The following HPSE2 variants were observed in gnomAD, a reference collection of about 807,000 sequenced individuals.
The protein encoded by HPSE2 is inactive heparanase-2.
A neutral mutation model predicts 60.5 loss-of-function variants in HPSE2; 38 were observed. That is an observed-to-expected ratio of 0.63 (90% CI 0.48 to 0.82). The LOEUF (loss-of-function observed/expected upper bound fraction) is 0.82, where lower values mean the gene tolerates loss of function less well. Among genes scored for constraint, HPSE2 ranks in the 40% least tolerant of loss-of-function variants. The pLI is 0.00. For synonymous variants in HPSE2, 295 were observed against 293.2 expected (o/e 1.01, Z -0.06); for missense variants, 713 against 740.4 (o/e 0.96, Z 0.43).
chr10:98,949,248 G>A (rs534465579), intron 3 of HPSE2, among the ~76,000 whole-genome samples: 49 of 72,718 alleles, frequency 6.7e-4, no homozygotes, highest in Non-Finnish European at 9.8e-4. Flanking sequence ...ACACGCATGC[G>A]TGCACACACA....
intron 2 of HPSE2, among the ~76,000 whole-genome samples, chr10:99,199,710 G>A (rs375163815): frequency 8.5e-5 from 13 of 152,170 alleles, no homozygotes; most frequent in Middle Eastern, 3.4e-3. Flanking sequence ...ACAAGGACAC[G>A]TAACGCCTCC....
At chr10:98,725,835 A>G (rs1949061173) in intron 4 of HPSE2, among the ~76,000 whole-genome samples, 1 of 152,244 alleles carries the variant, frequency 6.6e-6, no homozygotes, top group Non-Finnish European at 1.5e-5. Flanking sequence ...GGATATGAAC[A>G]GATACTTCTC....
chr10:98,806,470 G>A (rs1403405745), intron 3 of HPSE2, among the ~76,000 whole-genome samples: 4 of 152,110 alleles, frequency 2.6e-5, no homozygotes, highest in Non-Finnish European at 5.9e-5. Flanking sequence ...CAGCAAACTT[G>A]TATTTGAATC....
intron 2 of HPSE2, among the ~76,000 whole-genome samples, chr10:99,205,766 T>A (rs1446454492): frequency 2.0e-5 from 3 of 152,220 alleles, no homozygotes; most frequent in African/African-American, 7.2e-5. Flanking sequence ...CATACCATAC[T>A]ACTATATTAA....
At chr10:98,523,819 C>T (rs1162397890) in intron 9 of HPSE2, among the ~76,000 whole-genome samples, 2 of 152,198 alleles carry the variant, frequency 1.3e-5, no homozygotes, top group African/African-American at 4.8e-5. Context: ...ACTTCTGCCT[C>T]AGTAAAGTTT....
At chr10:98,645,146 C>T (rs1268934293) in intron 6 of HPSE2, among the ~76,000 whole-genome samples, 2 of 151,910 alleles carry the variant, frequency 1.3e-5, no homozygotes, top group East Asian at 1.9e-4. Context: ...AACACTGTTG[C>T]CAAAGAGATG....
chr10:98,909,688 T>G (rs1253871290), intron 3 of HPSE2, among the ~76,000 whole-genome samples: 1 of 151,938 alleles, frequency 6.6e-6, no homozygotes, highest in East Asian at 1.9e-4. Flanking sequence ...GCATGACTTT[T>G]AACTCAGTAA....
At chr10:98,570,775 C>T (rs1361536885) in intron 9 of HPSE2, among the ~76,000 whole-genome samples, 5 of 152,006 alleles carry the variant, frequency 3.3e-5, no homozygotes, top group Non-Finnish European at 7.4e-5. Flanking sequence ...GATAGGTCAA[C>T]TGCAGTCCCA....
chr10:99,096,073 A>AT (rs1843708460), intron 3 of HPSE2, among the ~76,000 whole-genome samples: 1 of 152,210 alleles, frequency 6.6e-6, no homozygotes. Flanking sequence ...TGTCTTTGAT[A>AT]TATCTTCTTC....
At chr10:99,197,790 G>A (rs1451468826) in intron 2 of HPSE2, among the ~76,000 whole-genome samples, 1 of 152,198 alleles carries the variant, frequency 6.6e-6, no homozygotes, top group Non-Finnish European at 1.5e-5. Context: ...GCCAGGCGCA[G>A]TGGCTCACAC....
the HPSE2 span, among the ~76,000 whole-genome samples, chr10:99,288,009 A>C: frequency 6.6e-6 from 1 of 152,218 alleles, no homozygotes; most frequent in Non-Finnish European, 1.5e-5. Flanking sequence ...GTCATGTCAT[A>C]TTTTGAATTT....
intron 3 of HPSE2, among the ~76,000 whole-genome samples, chr10:98,960,668 T>C (rs1955631054): frequency 6.7e-6 from 1 of 148,744 alleles, no homozygotes; most frequent in African/African-American, 2.5e-5. Flanking sequence ...CATGAGTTCA[T>C]CTTCTTTGAA....
At chr10:98,822,498 T>G (rs909760390) in intron 3 of HPSE2, among the ~76,000 whole-genome samples, 3 of 152,078 alleles carry the variant, frequency 2.0e-5, no homozygotes, top group African/African-American at 7.2e-5. Context: ...AATTTTAAAA[T>G]TAAATACAGG....
chr10:99,036,247 T>A (rs1957607358), intron 3 of HPSE2, among the ~76,000 whole-genome samples: 1 of 151,740 alleles, frequency 6.6e-6, no homozygotes, highest in Non-Finnish European at 1.5e-5. Context: ...TAAAAATAAA[T>A]AAATATGATT....
chr10:99,208,911 G>A (rs1156394723), intron 2 of HPSE2, among the ~76,000 whole-genome samples: 4 of 151,920 alleles, frequency 2.6e-5, no homozygotes, highest in African/African-American at 7.3e-5. Flanking sequence ...AGACAAAAAA[G>A]GTCATAAAAC....
At chr10:98,848,534 C>T (rs1952087988) in intron 3 of HPSE2, among the ~76,000 whole-genome samples, 1 of 152,102 alleles carries the variant, frequency 6.6e-6, no homozygotes, top group Admixed American at 6.6e-5. Flanking sequence ...CAATTGTTTG[C>T]TTACTGTTTA....
chr10:98,696,092 C>T (rs561184376), intron 5 of HPSE2, among the ~76,000 whole-genome samples: 180 of 152,040 alleles, frequency 1.2e-3, no homozygotes, highest in African/African-American at 4.1e-3. Flanking sequence ...TTTTGTACCT[C>T]CTTCTCAGAT....
chr10:98,468,938 C>T (rs1356030028), intron 11 of HPSE2, among the ~76,000 whole-genome samples: 4 of 152,146 alleles, frequency 2.6e-5, no homozygotes, highest in African/African-American at 7.2e-5. Flanking sequence ...CTGAGGGACA[C>T]GCTGAAATGG....
At chr10:98,527,237 G>A (rs912787345) in intron 9 of HPSE2, among the ~76,000 whole-genome samples, 1 of 152,066 alleles carries the variant, frequency 6.6e-6, no homozygotes, top group African/African-American at 2.4e-5. Flanking sequence ...ACTCTCCACA[G>A]AGCAGCTAAA....
Sources: allele counts gnomAD v4.1 joint callset (sites outside exome capture counted in the v4.1 genomes callset), GRCh38; gene constraint gnomAD v4.1.1; transcripts MANE v1.5; gene names NCBI Gene and HGNC (gene_info 2026-07-23, HGNC 2026-07-21).